The following SGCZ variants were observed in gnomAD, a reference collection of about 807,000 sequenced individuals.
SGCZ encodes the protein zeta-sarcoglycan.
Under a neutral mutation model 41.3 loss-of-function variants are expected in SGCZ, and 40 were observed. The observed-to-expected ratio is 0.97, with a 90% CI of 0.75 to 1.26. SGCZ has a LOEUF of 1.26. Ranked by LOEUF, SGCZ falls within the 50% of genes most tolerant of loss-of-function variation. SGCZ has a pLI of 0.00. For synonymous variants in SGCZ, 206 were observed against 137.5 expected (o/e 1.50, Z -3.49); for missense variants, 552 against 369.8 (o/e 1.49, Z -4.04).
At chr8:14,764,878 T>C (rs947834784) in intron 1 of SGCZ, among the ~76,000 whole-genome samples, 1 of 152,214 alleles carries the variant, frequency 6.6e-6, no homozygotes. Context: ...AAAATATTTA[T>C]AAAGAGTCAT....
chr8:14,551,273 G>C (rs1484710511), intron 2 of SGCZ, among the ~76,000 whole-genome samples: 1 of 143,858 alleles, frequency 7.0e-6, no homozygotes, highest in African/African-American at 2.6e-5. Flanking sequence ...GTTGACGCTA[G>C]AAAAGAATAC....
intron 1 of SGCZ, among the ~76,000 whole-genome samples, chr8:14,800,575 G>A (rs936277649): frequency 2.0e-5 from 3 of 152,122 alleles, no homozygotes; most frequent in African/African-American, 7.2e-5. Flanking sequence ...CTTCCCCCAT[G>A]CTGTTTTCCT....
At chr8:14,987,129 T>A (rs908727090) in intron 1 of SGCZ, among the ~76,000 whole-genome samples, 1 of 151,910 alleles carries the variant, frequency 6.6e-6, no homozygotes, top group Admixed American at 6.6e-5. Flanking sequence ...ATTACTATAA[T>A]TAGAAAACTG....
chr8:15,162,234 T>G (rs916408808), intron 1 of SGCZ, among the ~76,000 whole-genome samples: 2 of 151,742 alleles, frequency 1.3e-5, no homozygotes, highest in Non-Finnish European at 2.9e-5. Context: ...ACCCATACCA[T>G]AGCTTTTGCA....
chr8:14,819,581 G>A (rs1467288431), intron 1 of SGCZ, among the ~76,000 whole-genome samples: 1 of 152,084 alleles, frequency 6.6e-6, no homozygotes, highest in African/African-American at 2.4e-5. Flanking sequence ...TTCAATCTTA[G>A]AACACCCTAG....
chr8:14,604,235 GA>G (rs1805677436), intron 1 of SGCZ, among the ~76,000 whole-genome samples: 1 of 152,074 alleles, frequency 6.6e-6, no homozygotes, highest in Non-Finnish European at 1.5e-5. Flanking sequence ...TATAGAAGAA[GA>G]AGAATGAAAA....
chr8:14,331,989 T>C (rs910618710), intron 2 of SGCZ, among the ~76,000 whole-genome samples: 1 of 152,026 alleles, frequency 6.6e-6, no homozygotes, highest in African/African-American at 2.4e-5. Context: ...GTAATATATT[T>C]ATGAATAAAT....
intron 1 of SGCZ, among the ~76,000 whole-genome samples, chr8:14,903,027 A>G (rs1298977145): frequency 6.6e-6 from 1 of 152,146 alleles, no homozygotes; most frequent in Admixed American, 6.6e-5. Context: ...GTATATAAAT[A>G]GCTCTGAAGC....
At chr8:14,608,674 G>T (rs1485243370) in intron 1 of SGCZ, among the ~76,000 whole-genome samples, 2 of 151,810 alleles carry the variant, frequency 1.3e-5, no homozygotes, top group Non-Finnish European at 2.9e-5. Flanking sequence ...AAGCTGTTTG[G>T]GTCATGGGGG....
intron 1 of SGCZ, among the ~76,000 whole-genome samples, chr8:14,940,484 C>T (rs561630378): frequency 7.2e-5 from 11 of 152,152 alleles, no homozygotes; most frequent in East Asian, 1.9e-4. Context: ...GTAAAGTTCA[C>T]ACATTTCCTA....
chr8:14,563,293 A>G (rs1421447804), intron 1 of SGCZ, among the ~76,000 whole-genome samples: 3 of 152,042 alleles, frequency 2.0e-5, no homozygotes, highest in African/African-American at 7.2e-5. Flanking sequence ...TTTTATTTTT[A>G]TTTTCTAAAA....
At chr8:15,190,091 C>G (rs374503082) in intron 1 of SGCZ, among the ~76,000 whole-genome samples, 10 of 152,248 alleles carry the variant, frequency 6.6e-5, no homozygotes, top group Middle Eastern at 3.4e-3. Flanking sequence ...ATGCCAGGCA[C>G]CTTCACAAAC....
intron 2 of SGCZ, among the ~76,000 whole-genome samples, chr8:14,441,111 T>G (rs1163899226): frequency 6.6e-6 from 1 of 152,212 alleles, no homozygotes; most frequent in Non-Finnish European, 1.5e-5. Flanking sequence ...TGCTTAAAAC[T>G]CCAAGATTTT....
Position 15,015,370 on chromosome 8 carries a change from A to C in SGCZ, c.39+222215T>G, listed in dbSNP as rs1585475093. Among the ~76,000 whole-genome samples the C allele has an allele frequency of 3.9e-5, 6 of 152,256 alleles. 1 individual carries two copies. Among genetic ancestry groups the C allele is most frequent in the Admixed American group, 3.9e-4 (6 of 15,296 alleles). On this transcript the variant is annotated intron_variant, in intron 1 of 7. Transcript: ENST00000382080. Reference sequence around the variant, plus strand: ...TTATGAATGTCTGAAAAACACTGTAAAATAAGACAGATTATAATATACTTT... The same window carrying C: ...TTATGAATGTCTGAAAAACACTGTACAATAAGACAGATTATAATATACTTT...
intron 2 of SGCZ, among the ~76,000 whole-genome samples, chr8:14,505,031 A>T (rs1802264272): frequency 6.6e-6 from 1 of 152,086 alleles, no homozygotes; most frequent in Admixed American, 6.6e-5. Flanking sequence ...AATTTATTAA[A>T]TTATAAAATA....
intron 1 of SGCZ, among the ~76,000 whole-genome samples, chr8:14,947,535 T>G (rs1176216505): frequency 6.6e-6 from 1 of 152,160 alleles, no homozygotes; most frequent in Non-Finnish European, 1.5e-5. Flanking sequence ...AGGGACAGTG[T>G]TGAGGAGAGT....
intron 1 of SGCZ, among the ~76,000 whole-genome samples, chr8:14,701,573 G>A (rs912473435): frequency 2.0e-5 from 3 of 151,946 alleles, no homozygotes; most frequent in African/African-American, 7.3e-5. Flanking sequence ...GTGCTGCCTG[G>A]TAACTCTACA....
intron 2 of SGCZ, among the ~76,000 whole-genome samples, chr8:14,324,766 A>C (rs2117033950): frequency 6.6e-6 from 1 of 152,260 alleles, no homozygotes. Flanking sequence ...GTACACAAAT[A>C]ATGCTCATGA....
At chr8:14,288,828 T>A (rs1234647147) in intron 3 of SGCZ, among the ~76,000 whole-genome samples, 1 of 150,854 alleles carries the variant, frequency 6.6e-6, no homozygotes, top group Non-Finnish European at 1.5e-5. Context: ...ATATTTTACT[T>A]CTTCTTATCT....
Sources: gnomAD v4.1 joint callset for allele counts (sites outside exome capture counted in the v4.1 genomes callset) on GRCh38, gnomAD v4.1.1 for gene constraint, MANE v1.5 for transcripts, NCBI Gene and HGNC (gene_info 2026-07-23, HGNC 2026-07-21) for gene names.